The following DMD variants were observed in gnomAD, a reference collection of about 807,000 sequenced individuals.
The protein encoded by DMD is dystrophin.
DMD carries 63 observed loss-of-function variants against 330.1 expected under a neutral mutation model. The observed-to-expected ratio is 0.19, with a 90% CI of 0.16 to 0.24. The LOEUF (loss-of-function observed/expected upper bound fraction) is 0.24. Among genes scored for constraint, DMD ranks in the 10% least tolerant of loss-of-function variants. The pLI is 1.00. For synonymous variants in DMD, 1,223 were observed against 959.8 expected (o/e 1.27, Z -5.07); for missense variants, 3,344 against 2,684.1 (o/e 1.25, Z -5.43).
intron 39 of DMD, among the ~76,000 whole-genome samples, chrX:32,345,717 T>C (rs768565677): frequency 9.0e-6 from 1 of 110,549 alleles, no homozygotes; most frequent in Non-Finnish European, 1.9e-5. Flanking sequence ...CATCTTTCAA[T>C]TACTACTTAG....
chrX:33,108,850 G>A (rs1366465152), intron 1 of DMD, among the ~76,000 whole-genome samples: 1 of 32,855 alleles, frequency 3.0e-5, no homozygotes, highest in Non-Finnish European at 7.0e-5. Flanking sequence ...TGGGCAACAA[G>A]AGTGAAACTC....
At chrX:33,038,861 G>T (rs1034999158) in intron 1 of DMD, among the ~76,000 whole-genome samples, 5 of 110,691 alleles carry the variant, frequency 4.5e-5, no homozygotes, top group Non-Finnish European at 9.5e-5. Flanking sequence ...GGGCATGGTG[G>T]CATGCACCTG....
chrX:31,952,575 G>C (rs1480316665), intron 45 of DMD, among the ~76,000 whole-genome samples: 1 of 109,389 alleles, frequency 9.1e-6, no homozygotes, highest in Non-Finnish European at 1.9e-5. Flanking sequence ...GTATCTTTTA[G>C]TTGAGATTCT....
intron 12 of DMD, among the ~76,000 whole-genome samples, chrX:32,599,839 CTAGT>C (rs1171567598): frequency 6.3e-5 from 7 of 111,381 alleles, no homozygotes; most frequent in Non-Finnish European, 1.3e-4. Flanking sequence ...TATCATGTTC[CTAGT>C]TAAATTTCAT....
chrX:31,455,542 AAC>A (rs377284427), intron 59 of DMD, among the ~76,000 whole-genome samples: 217 of 112,372 alleles, frequency 1.9e-3, no homozygotes, highest in African/African-American at 6.6e-3. Context: ...CTGCTTCGTA[AAC>A]AGTTTCTCAC....
intron 13 of DMD, among the ~76,000 whole-genome samples, chrX:32,582,165 AAT>A (rs2053720086): frequency 9.0e-6 from 1 of 111,596 alleles, no homozygotes; most frequent in African/African-American, 3.3e-5. Flanking sequence ...TATACAGTAC[AAT>A]ATGTCAGGGA....
intron 34 of DMD, among the ~76,000 whole-genome samples, chrX:32,377,850 A>T (rs889577666): frequency 1.8e-5 from 2 of 111,268 alleles, no homozygotes; most frequent in African/African-American, 6.5e-5. Context: ...TTAAAAATTA[A>T]TAAAATAGAG....
At chrX:31,915,121 C>A (rs2094593363) in intron 47 of DMD, among the ~76,000 whole-genome samples, 1 of 112,238 alleles carries the variant, frequency 8.9e-6, no homozygotes, top group East Asian at 2.8e-4. Context: ...CATGAGGAAC[C>A]ATATCTTGAT....
intron 59 of DMD, among the ~76,000 whole-genome samples, chrX:31,470,766 G>A (rs375131914): frequency 1.3e-4 from 15 of 112,017 alleles, no homozygotes; most frequent in African/African-American, 4.9e-4. Flanking sequence ...CCTTCCCCGT[G>A]GTGCTCTGTC....
intron 34 of DMD, among the ~76,000 whole-genome samples, chrX:32,379,452 G>C (rs1475345843): frequency 9.0e-6 from 1 of 111,287 alleles, no homozygotes; most frequent in Non-Finnish European, 1.9e-5. Flanking sequence ...AGGCTAATGT[G>C]AGTTTTAACC....
At chrX:32,717,251 G>A (rs1228435665) in intron 7 of DMD, among the ~76,000 whole-genome samples, 1 of 111,376 alleles carries the variant, frequency 9.0e-6, no homozygotes, top group Admixed American at 9.5e-5. Flanking sequence ...GTCTAGGAAG[G>A]AAAAATGATT....
At chrX:32,527,766 G>A (rs943106224) in intron 17 of DMD, among the ~76,000 whole-genome samples, 1 of 110,533 alleles carries the variant, frequency 9.0e-6, no homozygotes, top group African/African-American at 3.3e-5. Context: ...TTATTAAAGG[G>A]GAAATCCTAT....
chrX:31,154,008 C>A (rs2037777612), intron 74 of DMD, among the ~76,000 whole-genome samples: 2 of 112,183 alleles, frequency 1.8e-5, no homozygotes, highest in African/African-American at 6.5e-5. Flanking sequence ...AGGGTTTGAA[C>A]TAGAGATGAT....
chrX:33,218,038 T>C (rs1216079010), intron 1 of DMD, among the ~76,000 whole-genome samples: 1 of 111,599 alleles, frequency 9.0e-6, no homozygotes, highest in Admixed American at 9.5e-5. Context: ...GTGTAAATTC[T>C]TTCATTATTA....
intron 1 of DMD, among the ~76,000 whole-genome samples, chrX:33,261,627 A>AACACAC (rs56984530): frequency 0.12 from 10,971 of 88,942 alleles, 621 homozygotes; most frequent in Middle Eastern, 0.16. Flanking sequence ...ATACGGGAAG[A>AACACAC]ACACACACAC....
At chrX:32,516,071 G>C (rs2045832131) in intron 18 of DMD, among the ~76,000 whole-genome samples, 1 of 110,698 alleles carries the variant, frequency 9.0e-6, no homozygotes, top group Non-Finnish European at 1.9e-5. Context: ...AAAAGAGTTG[G>C]TAATATTTAG....
intron 2 of DMD, among the ~76,000 whole-genome samples, chrX:32,929,807 G>A (rs1311298578): frequency 1.8e-5 from 2 of 111,236 alleles, no homozygotes; most frequent in Non-Finnish European, 3.8e-5. Flanking sequence ...GACAGAACAT[G>A]TGGTATTTGG....
intron 1 of DMD, among the ~76,000 whole-genome samples, chrX:33,124,570 T>A (rs1195214589): frequency 9.3e-6 from 1 of 107,470 alleles, no homozygotes; most frequent in Non-Finnish European, 1.9e-5. Flanking sequence ...GTCTGTAGGA[T>A]TCACTCATCC....
At chrX:31,868,497 GA>G (rs1296731504) in intron 48 of DMD, among the ~76,000 whole-genome samples, 2 of 111,490 alleles carry the variant, frequency 1.8e-5, no homozygotes, top group Non-Finnish European at 3.8e-5. Flanking sequence ...AGACATAATT[GA>G]AAAAAATATA....
Sources: gnomAD v4.1 joint callset for allele counts (sites outside exome capture counted in the v4.1 genomes callset) on GRCh38, gnomAD v4.1.1 for gene constraint, MANE v1.5 for transcripts, NCBI Gene and HGNC (gene_info 2026-07-23, HGNC 2026-07-21) for gene names.